LIPN: variants seen among roughly 807,000 people sequenced by gnomAD.
LIPN encodes lipase family member N, also known as lipase member N.
A neutral mutation model predicts 43.7 loss-of-function variants in LIPN; 32 were observed. That is an observed-to-expected ratio of 0.73 (90% CI 0.55 to 0.98). LIPN has a LOEUF of 0.98. Among genes scored for constraint, LIPN ranks in the 50% least tolerant of loss-of-function variants. The pLI is 0.00. For synonymous variants in LIPN, 156 were observed against 157.6 expected (o/e 0.99, Z 0.08); for missense variants, 505 against 483.8 (o/e 1.04, Z -0.41).
chr10:88,764,396 C>T lies in LIPN; in HGVS notation c.227-14C>T. 1 of 1,601,714 alleles carries T rather than the reference C, an allele frequency of 6.2e-7. No homozygotes were observed. Among genetic ancestry groups the T allele is most frequent in the Non-Finnish European group, 8.5e-7 (1 of 1,172,164 alleles). ...CTCTTTCTCCCTCTCTCATCTTACC[C>T]TTTCCCCCACCAGGTCCCCGGCCAG... On this transcript the variant is annotated splice_polypyrimidine_tract_variant and intron_variant, in intron 3 of 9. Coordinates refer to ENST00000404459, the MANE Select transcript of LIPN (RefSeq NM_001102469.2).
At chr10:88,774,610 G>A in intron 8 of LIPN, 66 bp downstream of exon 8, 1 of 1,374,074 alleles carries the variant, frequency 7.3e-7, no homozygotes, top group Non-Finnish European at 1.0e-6. Flanking sequence ...AGACAGAATT[G>A]ACCCTGTTAA....
chr10:88,768,801 C>A lies in LIPN; in HGVS notation c.545C>A (p.Ala182Asp), dbSNP rs748720207. The change falls in exon 6 of 10, where the codon GCC (alanine) becomes GAC (aspartate). Residue 182 changes from alanine to aspartate, a missense_variant. Ala to Asp is a moderately radical substitution (Grantham distance 126). Coordinates refer to ENST00000404459, the MANE Select transcript of LIPN (RefSeq NM_001102469.2). Reference protein sequence around the residue: ...HSLGTTIGFVAFSTMPELAQR... With the variant: ...HSLGTTIGFVDFSTMPELAQR... ...TCTCCTGTTCTCTCAGGGTTTGTAGCCTTTTCCACCATGCCTGAACTGGCA... is the reference window on the plus strand; with the variant it reads ...TCTCCTGTTCTCTCAGGGTTTGTAGACTTTTCCACCATGCCTGAACTGGCA... 3.7e-6 allele frequency: 6 copies of A among 1,610,930 alleles called. No homozygotes were observed. The Admixed American group carries it at 5.0e-5, about 13-fold the overall frequency.
At chr10:88,764,988 T>C (rs745390226) in intron 4 of LIPN, among the ~76,000 whole-genome samples, 10 of 151,940 alleles carry the variant, frequency 6.6e-5, no homozygotes, top group Non-Finnish European at 1.5e-4. Flanking sequence ...CTCTCTGACC[T>C]CACAAAGCTT....
intron 6 of LIPN, among the ~76,000 whole-genome samples, chr10:88,769,382 T>G (rs1843167282): frequency 6.6e-6 from 1 of 151,896 alleles, no homozygotes; most frequent in African/African-American, 2.4e-5. Context: ...CCCTAATAAC[T>G]AAAGCTAAGA....
chr10:88,777,343 C>T (rs1484582281), intron 9 of LIPN, among the ~76,000 whole-genome samples: 1 of 152,092 alleles, frequency 6.6e-6, no homozygotes, highest in African/African-American at 2.4e-5. Flanking sequence ...AACTCTCTTT[C>T]TTCCTTGGAG....
At chr10:88,775,369 A>G (rs553100893) in intron 9 of LIPN, among the ~76,000 whole-genome samples, 2 of 152,038 alleles carry the variant, frequency 1.3e-5, no homozygotes, top group South Asian at 4.1e-4. Flanking sequence ...CATCATGTGT[A>G]ATCCTTCCAT....
At chr10:88,776,708 T>C (rs927077914) in intron 9 of LIPN, among the ~76,000 whole-genome samples, 2 of 152,102 alleles carry the variant, frequency 1.3e-5, no homozygotes, top group African/African-American at 4.8e-5. Flanking sequence ...TTCACCAGTG[T>C]TTTCTCATCT....
chr10:88,767,278 C>T (rs1843118403), intron 5 of LIPN, among the ~76,000 whole-genome samples: 1 of 151,790 alleles, frequency 6.6e-6, no homozygotes, highest in African/African-American at 2.4e-5. Context: ...AAGCTCAGAA[C>T]AGGCAGTTAG....
In LIPN at chr10:88,775,589, CT is replaced by C. The variant is rs1369201895; in HGVS notation, c.963+431del. Among the ~76,000 whole-genome samples, 4 of 151,990 alleles carry C rather than the reference CT, an allele frequency of 2.6e-5. No homozygotes were observed. In the South Asian group the frequency reaches 6.2e-4, roughly 24 times the overall value. On this transcript the variant is annotated intron_variant, in intron 9 of 9. Transcript: ENST00000404459. ...TCTTTACAGCATAAATGAATATACA[CT>C]TTTTAATACCAACAGAAAAATTAGA... is the stretch of plus-strand genomic sequence containing the variant.
At chr10:88,760,805 C>T (rs303464) in intron 1 of LIPN, among the ~76,000 whole-genome samples, 118,890 of 152,104 alleles carry the variant, frequency 0.78, 47,177 homozygotes, top group East Asian at 1. Context: ...ATGATGAGCA[C>T]GCTGTTTAGT....
chr10:88,774,640 T>C (rs1189176670), intron 8 of LIPN, 96 bp downstream of exon 8: 10 of 983,596 alleles, frequency 1.0e-5, no homozygotes, highest in Non-Finnish European at 1.6e-5. Flanking sequence ...CCTAAGAATC[T>C]TAAGAGCTTG....
At chr10:88,761,195 T>G (rs1386955159) in intron 1 of LIPN, among the ~76,000 whole-genome samples, 1 of 152,142 alleles carries the variant, frequency 6.6e-6, no homozygotes, top group East Asian at 1.9e-4. Context: ...GGAACTGGAT[T>G]ATAATCAAGA....
At chr10:88,764,919 T>A (rs1590174975) in intron 4 of LIPN, among the ~76,000 whole-genome samples, 1 of 152,146 alleles carries the variant, frequency 6.6e-6, no homozygotes, top group East Asian at 1.9e-4. Context: ...CAATGTTTAC[T>A]GAGTGGCTAC....
At chr10:88,774,367 T>G in intron 7 of LIPN, 106 bp from the exon 8 acceptor site, 1 of 673,528 alleles carries the variant, frequency 1.5e-6, no homozygotes, top group Non-Finnish European at 2.7e-6. Context: ...CTTGTTATTT[T>G]CAAAGCCCCA....
At chr10:88,768,996 A>G in intron 6 of LIPN, 68 bp downstream of exon 6, 1 of 1,440,232 alleles carries the variant, frequency 6.9e-7, no homozygotes, top group African/African-American at 1.4e-5. Context: ...TTATTTTCAA[A>G]TCTACTGTAA....
chr10:88,762,322 T>G lies in LIPN; in HGVS notation c.226+17T>G. ...GGAGCACAGGTACAAGATATGTCTC[T>G]CCTGAAAAGGGGACTGCATTGACCT... On this transcript the variant is annotated intron_variant, in intron 3 of 9. Coordinates refer to ENST00000404459, the MANE Select transcript of LIPN (RefSeq NM_001102469.2). 1 of 1,481,920 alleles carries G rather than the reference T, an allele frequency of 6.7e-7. No homozygotes were observed. The highest frequency in any genetic ancestry group is 9.4e-7 in the Non-Finnish European group (1 of 1,069,036). The allele number at this position is 1,481,920 out of a possible 1,614,324, so 91.8% of individuals were successfully genotyped here.
chr10:88,758,622 T>C (rs1423501115), upstream of LIPN, among the ~76,000 whole-genome samples: 3 of 150,438 alleles, frequency 2.0e-5, no homozygotes, highest in South Asian at 2.1e-4. Context: ...CTCAGTAATA[T>C]ATTAAATACT....
rs34229714 is a variant in LIPN, at chr10:88,771,744, C to CTT, written c.819+765_819+766dup. Among the ~76,000 whole-genome samples the CTT allele has an allele frequency of 4.1e-5, 6 of 145,424 alleles. No individual in the cohort carries two copies. The South Asian group carries it at 8.9e-4, about 22-fold the overall frequency. ...GATGTCTCTTCCATGGATTGATTTCCTTTTTTTTTTTTTGAATATAGACCT... is the reference window on the plus strand; with the variant it reads ...GATGTCTCTTCCATGGATTGATTTCCTTTTTTTTTTTTTTTGAATATAGACCT... On this transcript the variant is annotated intron_variant, in intron 7 of 9. Transcript: ENST00000404459.
chr10:88,774,467 C>G lies in LIPN; in HGVS notation c.820-6C>G, dbSNP rs1286361181. Reference sequence around the variant, plus strand: ...ATTGCTGTAATATGAGTTTTATCTCCTTTAGAGTCGAATGGATGTGTATAT... The same window carrying G: ...ATTGCTGTAATATGAGTTTTATCTCGTTTAGAGTCGAATGGATGTGTATAT... On this transcript the variant is annotated splice_polypyrimidine_tract_variant and splice_region_variant and intron_variant, in intron 7 of 9. Transcript: ENST00000404459. The G allele has an allele frequency of 6.2e-7, 1 of 1,606,392 alleles. No homozygotes were observed. The highest frequency in any genetic ancestry group is 8.5e-7 in the Non-Finnish European group (1 of 1,174,940).
Sources: allele counts gnomAD v4.1 joint callset (sites outside exome capture counted in the v4.1 genomes callset), GRCh38; gene constraint gnomAD v4.1.1; transcripts MANE v1.5; gene names NCBI Gene and HGNC (gene_info 2026-07-23, HGNC 2026-07-21).